Variants in BNC2 observed in about 807,000 individuals in gnomAD.
BNC2 encodes the protein basonuclin zinc finger protein 2.
Under a neutral mutation model 76.3 loss-of-function variants are expected in BNC2, and 20 were observed. That is an observed-to-expected ratio of 0.26 (90% confidence interval 0.18 to 0.38). BNC2 has a LOEUF of 0.38. Ranked by LOEUF, BNC2 falls within the 10% of genes least tolerant of loss-of-function variation. BNC2 has a pLI of 1.00. For missense variants in BNC2, 1,382 were observed against 1,399.8 expected, an observed-to-expected ratio of 0.99 and a Z score of 0.20; for synonymous variants, 582 against 514.8, an observed-to-expected ratio of 1.13 and a Z score of -1.77.
At chr9:16,798,244 A>C (rs1450144085) in intron 1 of BNC2, among the ~76,000 whole-genome samples, 1 of 152,150 alleles carries the variant, frequency 6.6e-6, no homozygotes, top group African/African-American at 2.4e-5. Flanking sequence ...TAAGATTAAA[A>C]CCATATATCT....
chr9:16,760,736 T>C lies in BNC2; in HGVS notation c.4-22251A>G, dbSNP rs148595236. Among the ~76,000 whole-genome samples, 728 of 152,164 alleles carry C rather than the reference T, an allele frequency of 4.8e-3. 4 individuals carry two copies. Among genetic ancestry groups the C allele is most frequent in the African/African-American group, 0.017 (688 of 41,524 alleles). On this transcript the variant is annotated intron_variant, in intron 1 of 6. Transcript: ENST00000380672. Reference sequence around the variant, plus strand: ...GTCATTTGTGAACTCACCAAAGGTGTATCTAACCACAGAGAAGGTGGCAAG... The same window carrying C: ...GTCATTTGTGAACTCACCAAAGGTGCATCTAACCACAGAGAAGGTGGCAAG...
intron 3 of BNC2, among the ~76,000 whole-genome samples, chr9:16,585,701 G>A (rs752166566): frequency 2.0e-5 from 3 of 152,058 alleles, no homozygotes; most frequent in African/African-American, 7.2e-5. Context: ...TCACCCACAC[G>A]CAAATAACAT....
intron 3 of BNC2, among the ~76,000 whole-genome samples, chr9:16,628,075 C>G (rs758827702): frequency 6.6e-6 from 1 of 152,098 alleles, no homozygotes; most frequent in Non-Finnish European, 1.5e-5. Flanking sequence ...CACATCCTAA[C>G]AAAAACATGA....
At chr9:16,647,320 A>G (rs1425659243) in intron 3 of BNC2, among the ~76,000 whole-genome samples, 2 of 152,118 alleles carry the variant, frequency 1.3e-5, no homozygotes, top group Admixed American at 1.3e-4. Context: ...AAGTCTGCAC[A>G]GAGAATTGGC....
intron 1 of BNC2, among the ~76,000 whole-genome samples, chr9:16,746,628 G>C (rs62541545): frequency 0.85 from 128,430 of 150,586 alleles, 55,315 homozygotes; most frequent in Non-Finnish European, 0.91. Flanking sequence ...GCCTCCCAAA[G>C]TGCTGGGATT....
chr9:16,641,422 T>C (rs918847110), intron 3 of BNC2, among the ~76,000 whole-genome samples: 2 of 152,194 alleles, frequency 1.3e-5, no homozygotes, highest in Non-Finnish European at 2.9e-5. Context: ...CCAAATAAAT[T>C]TGCTGAGGCA....
At chr9:16,529,087 T>C (rs1487372905) in intron 5 of BNC2, among the ~76,000 whole-genome samples, 1 of 152,216 alleles carries the variant, frequency 6.6e-6, no homozygotes, top group Non-Finnish European at 1.5e-5. Context: ...CTGCTCTGTA[T>C]GTAATCTCCT....
intron 3 of BNC2, among the ~76,000 whole-genome samples, chr9:16,711,229 G>A (rs1218651738): frequency 2.0e-5 from 3 of 152,106 alleles, no homozygotes; most frequent in East Asian, 1.9e-4. Flanking sequence ...TAAATGTCTC[G>A]TTGAAACTAC....
intron 5 of BNC2, among the ~76,000 whole-genome samples, chr9:16,469,653 T>G (rs1395168305): frequency 6.6e-6 from 1 of 152,168 alleles, no homozygotes; most frequent in Non-Finnish European, 1.5e-5. Flanking sequence ...AGGAACTGGG[T>G]AACAGGCAGA....
At chr9:16,464,602 CCTTT>C (rs1200545715) in intron 5 of BNC2, among the ~76,000 whole-genome samples, 3 of 152,090 alleles carry the variant, frequency 2.0e-5, no homozygotes, top group African/African-American at 7.2e-5. Context: ...TATCTACTTT[CCTTT>C]CTTCTCAGAA....
At chr9:16,629,796 C>T (rs1232142679) in intron 3 of BNC2, among the ~76,000 whole-genome samples, 2 of 152,142 alleles carry the variant, frequency 1.3e-5, no homozygotes, top group Middle Eastern at 3.2e-3. Flanking sequence ...AAAATGCTAA[C>T]AATCGTCTGA....
intron 5 of BNC2, among the ~76,000 whole-genome samples, chr9:16,481,971 G>A (rs1318215186): frequency 6.6e-6 from 1 of 152,148 alleles, no homozygotes; most frequent in Non-Finnish European, 1.5e-5. Context: ...AATTATACTG[G>A]ATAATCTGAG....
rs7863985 is a variant in BNC2, at chr9:16,792,989, G to T, written c.4-54504C>A. ...TTTAGAACATTTGTATCTCATTAGG[G>T]GTATTAAGTGAGAAAAGATTCTCAA... On this transcript the variant is annotated intron_variant, in intron 1 of 6. Transcript: ENST00000380672. Among the ~76,000 whole-genome samples the T allele has an allele frequency of 4.5e-3, 683 of 152,124 alleles. 4 individuals are homozygous for T. Among genetic ancestry groups the T allele is most frequent in the African/African-American group, 0.016 (645 of 41,470 alleles).
chr9:16,809,286 G>C (rs1817989095), intron 1 of BNC2, among the ~76,000 whole-genome samples: 1 of 152,008 alleles, frequency 6.6e-6, no homozygotes, highest in African/African-American at 2.4e-5. Context: ...CTTTTCAGTG[G>C]TCTACAGTGT....
chr9:16,801,632 C>T (rs973895960), intron 1 of BNC2, among the ~76,000 whole-genome samples: 1 of 151,600 alleles, frequency 6.6e-6, no homozygotes, highest in Non-Finnish European at 1.5e-5. Flanking sequence ...TTTTAAAAAG[C>T]AATACAGCTA....
At chr9:16,835,103 A>C (rs998462477) in intron 1 of BNC2, among the ~76,000 whole-genome samples, 2 of 152,224 alleles carry the variant, frequency 1.3e-5, no homozygotes, top group Non-Finnish European at 2.9e-5. Context: ...AGTGTTGTGC[A>C]AATATCAACA....
intron 3 of BNC2, among the ~76,000 whole-genome samples, chr9:16,630,035 C>A (rs1422285661): frequency 6.6e-6 from 1 of 152,202 alleles, no homozygotes; most frequent in Non-Finnish European, 1.5e-5. Flanking sequence ...AAATTGGAGT[C>A]AATTCTTTCA....
Position 16,777,648 on chromosome 9 carries a change from C to T in BNC2, c.4-39163G>A, listed in dbSNP as rs533760581. Among the ~76,000 whole-genome samples, 14 of 143,034 alleles carry T rather than the reference C, an allele frequency of 9.8e-5. No homozygotes were observed. The South Asian group carries it at 2.6e-3, about 27-fold the overall frequency. The allele number at this position is 143,034 out of a possible 152,430, so 93.8% of individuals were successfully genotyped here. On this transcript the variant is annotated intron_variant, in intron 1 of 6. Coordinates refer to ENST00000380672, the MANE Select transcript of BNC2 (RefSeq NM_017637.6). Reference sequence around the variant, plus strand: ...CCCGGGAGGCGGAGCTTGCAGTGAGCGGAGATTGCACCACTGCATTCCAGC... The same window carrying T: ...CCCGGGAGGCGGAGCTTGCAGTGAGTGGAGATTGCACCACTGCATTCCAGC...
chr9:16,659,792 G>A (rs376456472), intron 3 of BNC2, among the ~76,000 whole-genome samples: 2 of 151,970 alleles, frequency 1.3e-5, no homozygotes, highest in Non-Finnish European at 2.9e-5. Flanking sequence ...AAAATAACAG[G>A]CTCCTCTCTA....
Sources: gnomAD v4.1 joint callset for allele counts (sites outside exome capture counted in the v4.1 genomes callset) on GRCh38, gnomAD v4.1.1 for gene constraint, MANE v1.5 for transcripts, NCBI Gene and HGNC (gene_info 2026-07-23, HGNC 2026-07-21) for gene names.